The following MICAL2 variants were observed in gnomAD, a reference collection of about 807,000 sequenced individuals.
MICAL2 encodes the protein [F-actin]-monooxygenase MICAL2.
In MICAL2, 77 loss-of-function variants were observed where a neutral mutation model predicts 127.3. The ratio of observed to expected loss-of-function variants is 0.60; its 90% CI spans 0.50 to 0.73. The LOEUF (loss-of-function observed/expected upper bound fraction) is 0.73, where lower values mean the gene tolerates loss of function less well. MICAL2 is among the 30% of genes least tolerant of loss of function. The pLI is 0.00. For missense variants in MICAL2, 1,351 were observed against 1,434.4 expected (o/e 0.94, Z 0.94); for synonymous variants, 570 against 551.1 (o/e 1.03, Z -0.48).
intron 34 of MICAL2, chr11:12,354,907 G>C: frequency 6.4e-7 from 1 of 1,551,492 alleles, no homozygotes; most frequent in East Asian, 2.3e-5. Context: ...AAAGGCTCCT[G>C]AGCAGCGTGT....
At chr11:12,156,989 G>A (rs1230812044) in intron 2 of MICAL2, among the ~76,000 whole-genome samples, 3 of 152,228 alleles carry the variant, frequency 2.0e-5, no homozygotes, top group Non-Finnish European at 4.4e-5. Flanking sequence ...GGGCTGCTTG[G>A]CAGTATACAT....
chr11:12,188,423 T>C (rs915163715), intron 3 of MICAL2, among the ~76,000 whole-genome samples: 2 of 152,338 alleles, frequency 1.3e-5, no homozygotes, highest in East Asian at 1.9e-4. Context: ...GAAGACTTTT[T>C]TTTATTGTCA....
chr11:12,243,764 G>A (rs191597001), intron 20 of MICAL2, among the ~76,000 whole-genome samples: 129 of 152,334 alleles, frequency 8.5e-4, no homozygotes, highest in African/African-American at 3.0e-3. Context: ...AGCTATTTCG[G>A]TGTGACAAGG....
rs1340097787 is a variant in MICAL2, at chr11:12,223,422, G to T, written c.1461G>T (p.Leu487Phe). The change falls in exon 12 of 28, where the codon TTG (leucine) becomes TTT (phenylalanine). Residue 487 changes from leucine to phenylalanine, a missense_variant. Coordinates refer to ENST00000683283, the MANE Select transcript of MICAL2 (RefSeq NM_001282663.2). ...TCTCTTGCTCATAGGTGAAGCATTTGTATATCACTAAGGAGCTGGAGCACT... is the reference window on the plus strand; with the variant it reads ...TCTCTTGCTCATAGGTGAAGCATTTTTATATCACTAAGGAGCTGGAGCACT... ...HCVRPHQVKH[L>F]YITKELEHYP... is the part of the protein sequence containing the mutation. 8 of 1,613,736 alleles carry T rather than the reference G, an allele frequency of 5.0e-6. No homozygotes were observed. The highest frequency in any genetic ancestry group is 1.7e-5 in the Admixed American group (1 of 59,998).
chr11:12,336,607 ATTATT>A (rs1938765675), intron 32 of MICAL2, among the ~76,000 whole-genome samples: 1 of 152,056 alleles, frequency 6.6e-6, no homozygotes, highest in Non-Finnish European at 1.5e-5. Flanking sequence ...GATGGCTCTT[ATTATT>A]TTGAGATACA....
chr11:12,298,794 C>T (rs556632295), intron 29 of MICAL2, among the ~76,000 whole-genome samples: 19 of 152,036 alleles, frequency 1.2e-4, no homozygotes, highest in African/African-American at 4.3e-4. Flanking sequence ...CGAATTATAT[C>T]GTAGATTTAT....
intron 1 of MICAL2, among the ~76,000 whole-genome samples, chr11:12,122,377 G>A (rs1250601131): frequency 6.6e-6 from 1 of 152,120 alleles, no homozygotes; most frequent in Non-Finnish European, 1.5e-5. Context: ...CCTCTCATTC[G>A]GTACTGGCCC....
At chr11:12,112,581 A>G (rs1365101283) in intron 1 of MICAL2, among the ~76,000 whole-genome samples, 1 of 151,828 alleles carries the variant, frequency 6.6e-6, no homozygotes, top group African/African-American at 2.4e-5. Flanking sequence ...GTGTAGTGTT[A>G]TGGTTGTGGG....
chr11:12,281,034 C>T lies in MICAL2; in HGVS notation c.191C>T (p.Ser64Phe), dbSNP rs56335112. ...GGATCCCCGCATCTACCGCACACGTCCCTAGGGGAGGCCCTGAGCAGGGCA... is the reference window on the plus strand; with the variant it reads ...GGATCCCCGCATCTACCGCACACGTTCCTAGGGGAGGCCCTGAGCAGGGCA... Residue 64 changes from serine to phenylalanine, a missense_variant, in exon 2 of 3, where the codon TCC (serine) becomes TTC (phenylalanine). By Grantham distance (155) the Ser-to-Phe change is radical (BLOSUM62 -2). Coordinates refer to the MICAL2 transcript ENST00000529028. 6.5e-3 allele frequency: 2,612 copies of T among 399,100 alleles called. 59 individuals are homozygous for T. Among genetic ancestry groups the T allele is most frequent in the African/African-American group, 0.048 (2,320 of 48,752 alleles). 24.7% of individuals were successfully genotyped at this position (399,100 alleles called of 1,614,324 possible). A position where few individuals can be genotyped will look rare whatever the true frequency, so the allele number is the denominator to read the frequency against.
chr11:12,176,040 C>T (rs1283791100), intron 3 of MICAL2, among the ~76,000 whole-genome samples: 1 of 152,132 alleles, frequency 6.6e-6, no homozygotes, highest in African/African-American at 2.4e-5. Context: ...GGATGAAAAA[C>T]GTAAAGGAAG....
intron 34 of MICAL2, among the ~76,000 whole-genome samples, chr11:12,355,862 C>A (rs1406410808): frequency 6.6e-6 from 1 of 152,162 alleles, no homozygotes; most frequent in East Asian, 1.9e-4. Context: ...CCTTATGCAG[C>A]AGCACTGTAC....
At chr11:12,348,211 C>T (rs1420168075) in intron 32 of MICAL2, among the ~76,000 whole-genome samples, 1 of 151,518 alleles carries the variant, frequency 6.6e-6, no homozygotes, top group Non-Finnish European at 1.5e-5. Flanking sequence ...TACATCTTCC[C>T]ATATTTTAAA....
intron 1 of MICAL2, among the ~76,000 whole-genome samples, chr11:12,115,867 C>A (rs1849971878): frequency 6.6e-6 from 1 of 152,106 alleles, no homozygotes; most frequent in Non-Finnish European, 1.5e-5. Flanking sequence ...GTTATACATG[C>A]AGATAAAGCC....
chr11:12,350,642 G>A (rs1939029246), intron 33 of MICAL2, among the ~76,000 whole-genome samples: 1 of 152,136 alleles, frequency 6.6e-6, no homozygotes, highest in African/African-American at 2.4e-5. Context: ...CCTGGGTTCT[G>A]AGCCAGGTGA....
downstream of MICAL2, among the ~76,000 whole-genome samples, chr11:12,293,058 A>T (rs1184164145): frequency 1.3e-5 from 2 of 152,194 alleles, no homozygotes; most frequent in Non-Finnish European, 2.9e-5. Context: ...CAGCCCAGAG[A>T]GTGACTGTCG....
At chr11:12,152,176 T>C (rs1853651787) in intron 2 of MICAL2, among the ~76,000 whole-genome samples, 1 of 148,872 alleles carries the variant, frequency 6.7e-6, no homozygotes, top group South Asian at 2.1e-4. Flanking sequence ...GAGGCACCTG[T>C]AATCCCAGCT....
intron 2 of MICAL2, among the ~76,000 whole-genome samples, chr11:12,155,985 C>T (rs960741505): frequency 6.6e-6 from 1 of 152,174 alleles, no homozygotes; most frequent in Non-Finnish European, 1.5e-5. Context: ...ATGTATGAGG[C>T]GCCTTCAAGC....
chr11:12,133,083 T>G (rs1310823014), intron 1 of MICAL2, among the ~76,000 whole-genome samples: 1 of 152,194 alleles, frequency 6.6e-6, no homozygotes, highest in Non-Finnish European at 1.5e-5. Flanking sequence ...CTTTGTATTT[T>G]GTATTATTTA....
chr11:12,259,247 T>C (rs1862766841), intron 25 of MICAL2, among the ~76,000 whole-genome samples: 2 of 152,262 alleles, frequency 1.3e-5, no homozygotes, highest in Admixed American at 1.3e-4. Context: ...CCAGGCTTTT[T>C]TTCTATGTGA....
Sources: gnomAD v4.1 joint callset for allele counts (sites outside exome capture counted in the v4.1 genomes callset) on GRCh38, gnomAD v4.1.1 for gene constraint, MANE v1.5 for transcripts, NCBI Gene and HGNC (gene_info 2026-07-23, HGNC 2026-07-21) for gene names.